Variants in HDAC4 observed in about 807,000 individuals in gnomAD.
HDAC4 encodes histone deacetylase A.
A neutral mutation model predicts 135.1 loss-of-function variants in HDAC4; 16 were observed. That is an observed-to-expected ratio of 0.12 (90% CI 0.08 to 0.18). The LOEUF (loss-of-function observed/expected upper bound fraction) is 0.18, where lower values mean the gene tolerates loss of function less well. HDAC4 is among the 10% of genes least tolerant of loss of function. The pLI, the probability that HDAC4 is intolerant of heterozygous loss-of-function variation, is 1.00. For missense variants in HDAC4, 1,143 were observed against 1,511.8 expected (o/e 0.76, Z 4.05); for synonymous variants, 685 against 653.4 (o/e 1.05, Z -0.74).
intron 3 of HDAC4, among the ~76,000 whole-genome samples, chr2:239,191,394 C>T (rs1559205106): frequency 6.6e-6 from 1 of 152,366 alleles, no homozygotes; most frequent in East Asian, 1.9e-4. Flanking sequence ...GGAAAACCTG[C>T]ACTCCACAGT....
At chr2:239,094,658 G>A (rs1432418886) in intron 17 of HDAC4, 19 of 1,175,906 alleles carry the variant, frequency 1.6e-5, no homozygotes, top group Non-Finnish European at 2.0e-5. Flanking sequence ...ACAGAAGCAC[G>A]CATCCTACCC....
At chr2:239,185,950 C>A (rs192972053) in intron 4 of HDAC4, among the ~76,000 whole-genome samples, 2 of 152,262 alleles carry the variant, frequency 1.3e-5, no homozygotes, top group East Asian at 1.9e-4. Flanking sequence ...ATGAGCATCG[C>A]TTGAACCTGG....
intron 7 of HDAC4, among the ~76,000 whole-genome samples, chr2:239,156,079 T>C (rs1026272248): frequency 6.6e-6 from 1 of 152,258 alleles, no homozygotes; most frequent in African/African-American, 2.4e-5. Context: ...GCTTCTAAGA[T>C]GGTCCAGGCA....
chr2:239,374,424 G>A (rs1413875828), intron 1 of HDAC4, among the ~76,000 whole-genome samples: 2 of 56,860 alleles, frequency 3.5e-5, no homozygotes, highest in Non-Finnish European at 6.4e-5. Flanking sequence ...TTTTTTTTGA[G>A]ACGGAGTCTC....
rs187349091 is a variant in HDAC4 at position 239,349,581 on chromosome 2, C to T, written c.22+3097G>A. On this transcript the variant is annotated intron_variant, in intron 2 of 26. Coordinates refer to ENST00000543185, the MANE Select transcript of HDAC4 (RefSeq NM_001378414.1). The surrounding 1 kb of genome is among the most constrained non-coding windows in gnomAD (Gnocchi z 5.7). ...GGAAGGCACACAAGCGAGTGGGCCTCGCCCAGGAGGGAGGGCACGGTTCTG... is the reference window on the plus strand; with the variant it reads ...GGAAGGCACACAAGCGAGTGGGCCTTGCCCAGGAGGGAGGGCACGGTTCTG... 3.3e-4 allele frequency among the ~76,000 whole-genome samples: 51 copies of T among 152,258 alleles called. No individual in the cohort carries two copies. The highest frequency in any genetic ancestry group is 1.2e-3 in the African/African-American group (51 of 41,570).
rs1173173046 is a variant in HDAC4, at chr2:239,048,591, A to T, written c.*4506T>A. On this transcript the variant is annotated 3_prime_UTR_variant, in exon 27 of 27. Coordinates refer to ENST00000543185, the MANE Select transcript of HDAC4 (RefSeq NM_001378414.1). ...TAGATAGATAGATAGATAGATAGAT[A>T]GATTATATATGTTTGTCATTCTCAT... is the stretch of plus-strand genomic sequence containing the variant. The T allele has an allele frequency of 1.3e-5, 2 of 151,382 alleles. No individual in the cohort carries two copies. Among genetic ancestry groups the T allele is most frequent in the Non-Finnish European group, 2.9e-5 (2 of 68,002 alleles). 9.4% of individuals were successfully genotyped at this position (151,382 alleles called of 1,614,324 possible).
intron 2 of HDAC4, among the ~76,000 whole-genome samples, chr2:239,311,937 A>G (rs982812296): frequency 2.6e-5 from 4 of 152,158 alleles, no homozygotes; most frequent in South Asian, 2.1e-4. Context: ...GGGTTCCTCT[A>G]AAGGTTCCTT....
chr2:239,081,083 C>T lies in HDAC4; in HGVS notation c.2750+12G>A, dbSNP rs552686828. ...TGCTACTTCAGGTGTCATGTGAAGC[C>T]GGGAGGCTCACCTGAAGGCCGCCAA... On this transcript the variant is annotated intron_variant, in intron 22 of 26. Transcript: ENST00000543185. The T allele has an allele frequency of 2.8e-4, 453 of 1,599,280 alleles. 1 individual carries two copies. Among genetic ancestry groups the T allele is most frequent in the Admixed American group, 1.2e-3 (74 of 59,768 alleles).
At chr2:239,351,580 G>A (rs1693158409) in intron 2 of HDAC4, 1 of 154,334 alleles carries the variant, frequency 6.5e-6, no homozygotes, top group African/African-American at 2.4e-5. Flanking sequence ...CTTTACATCA[G>A]TCAATACATA....
rs139884109 is a variant in HDAC4 at position 239,308,723 on chromosome 2, G to A, written c.22+43955C>T. On this transcript the variant is annotated intron_variant, in intron 2 of 26. Coordinates refer to ENST00000543185, the MANE Select transcript of HDAC4 (RefSeq NM_001378414.1). The surrounding 1 kb of genome is among the most constrained non-coding windows in gnomAD (Gnocchi z 4.2). The stretch of plus-strand genomic sequence containing the variant: ...GGGGTTCAGCCGCTGCAGAAACTCC[G>A]AATCTGCTAACGTGAAGTGCCAAGA... Among the ~76,000 whole-genome samples the A allele has an allele frequency of 1.5e-3, 222 of 152,196 alleles. No individual in the cohort carries two copies. The highest frequency in any genetic ancestry group is 5.1e-3 in the African/African-American group (210 of 41,502).
In HDAC4 at chr2:239,070,421, ATCAGTCT is replaced by A. The variant is rs539506513; in HGVS notation, c.2751-1821_2751-1815del. 7.1e-3 allele frequency among the ~76,000 whole-genome samples: 1,088 copies of A among 152,388 alleles called. 9 individuals are homozygous for A. The highest frequency in any genetic ancestry group is 9.6e-3 in the Non-Finnish European group (653 of 68,040). On this transcript the variant is annotated intron_variant, in intron 22 of 26. Transcript: ENST00000543185. ...AGCACTCCTTAACACAAAAGAACTTATCAGTCTTTAGTCTAATGATCTTATCAGTGTG... is the reference window on the plus strand; with the variant it reads ...AGCACTCCTTAACACAAAAGAACTTATTAGTCTAATGATCTTATCAGTGTG...
chr2:239,336,132 G>C (rs1378937631), intron 2 of HDAC4, among the ~76,000 whole-genome samples: 1 of 152,158 alleles, frequency 6.6e-6, no homozygotes, highest in Non-Finnish European at 1.5e-5. Flanking sequence ...ATAAGAATAA[G>C]TATTACGTGA....
chr2:239,235,422 G>A (rs1010025481), intron 3 of HDAC4, among the ~76,000 whole-genome samples: 11 of 152,246 alleles, frequency 7.2e-5, no homozygotes, highest in African/African-American at 2.2e-4. Flanking sequence ...TGGGGCACCG[G>A]AGGGCACAGG....
chr2:239,119,452 T>TGGGGACAGGAGCTCAGGGCTAAGGGTGC (rs1438822418), intron 12 of HDAC4, among the ~76,000 whole-genome samples: 5 of 151,748 alleles, frequency 3.3e-5, no homozygotes, highest in Admixed American at 6.6e-5. Flanking sequence ...GCTGAGGACA[T>TGGGGACAGGAGCTCAGGGCTAAGGGTGC]GGGGACAGGA....
intron 2 of HDAC4, among the ~76,000 whole-genome samples, chr2:239,343,442 G>A (rs1163587027): frequency 6.6e-6 from 1 of 152,238 alleles, no homozygotes; most frequent in East Asian, 1.9e-4. Context: ...GTTCCCTGAT[G>A]GCAAAACCCA....
intron 3 of HDAC4, among the ~76,000 whole-genome samples, chr2:239,195,362 A>AG (rs1260757441): frequency 1.3e-5 from 2 of 152,342 alleles, no homozygotes; most frequent in Admixed American, 1.3e-4. Flanking sequence ...TGTTGGATTC[A>AG]ATAACACAAA....
chr2:239,085,037 G>GAC (rs753970611), intron 19 of HDAC4, among the ~76,000 whole-genome samples: 4 of 112,998 alleles, frequency 3.5e-5, no homozygotes, highest in African/African-American at 1.1e-4. Flanking sequence ...TACTGAGACA[G>GAC]ACAGACACAC....
intron 4 of HDAC4, among the ~76,000 whole-genome samples, chr2:239,187,713 G>A (rs185916069): frequency 6.6e-6 from 1 of 152,320 alleles, no homozygotes; most frequent in East Asian, 1.9e-4. Flanking sequence ...AGGAGTGTCA[G>A]GATCACAGGG....
chr2:239,111,553 G>C lies in HDAC4; in HGVS notation c.1951C>G (p.Pro651Ala). 1 of 1,612,414 alleles carries C rather than the reference G, an allele frequency of 6.2e-7. No homozygotes were observed. The highest frequency in any genetic ancestry group is 8.5e-7 in the Non-Finnish European group (1 of 1,179,770). The change falls in exon 14 of 27, where the codon CCC (proline) becomes GCC (alanine). Residue 651 changes from proline to alanine, a missense_variant. Physicochemically the swap from Pro to Ala is conservative, Grantham distance 27. This residue lies in a region of HDAC4 where 196 missense variants were observed against 210.7 expected (regional missense o/e 0.93). Transcript: ENST00000543185. Reference protein sequence around the residue: ...SATFPVSVQEPPTKPRFTTGL... With the variant: ...SATFPVSVQEAPTKPRFTTGL... ...GTCGTGAACCTCGGCTTGGTGGGGG[G>C]CTCCTGCACAGACACGGGGAAGGTG...
Sources: gnomAD v4.1 joint callset for allele counts (sites outside exome capture counted in the v4.1 genomes callset) on GRCh38, gnomAD v4.1.1 for gene constraint, gnomAD v4.1.1 regional missense constraint, Gnocchi (gnomAD v3.1) non-coding constraint, MANE v1.5 for transcripts, NCBI Gene and HGNC (gene_info 2026-07-23, HGNC 2026-07-21) for gene names.